The following MTUS2 variants were observed in gnomAD, a reference collection of about 807,000 sequenced individuals.
MTUS2 encodes microtubule associated scaffold protein 2, also known as microtubule-associated tumor suppressor candidate 2.
In MTUS2, 40 loss-of-function variants were observed where a neutral mutation model predicts 114.1. The ratio of observed to expected loss-of-function variants is 0.35; its 90% CI spans 0.27 to 0.46. The LOEUF (loss-of-function observed/expected upper bound fraction) is 0.46. Among genes scored for constraint, MTUS2 ranks in the 20% least tolerant of loss-of-function variants. The pLI is 1.00. For missense variants in MTUS2, 1,679 were observed against 1,705.4 expected (o/e 0.98, Z 0.27); for synonymous variants, 688 against 672.0 (o/e 1.02, Z -0.37).
chr13:29,189,690 G>A (rs963489206), intron 5 of MTUS2, among the ~76,000 whole-genome samples: 11 of 152,068 alleles, frequency 7.2e-5, no homozygotes, highest in Non-Finnish European at 1.3e-4. Context: ...TTTATTGCCC[G>A]TTGAATTAAA....
Position 29,273,918 on chromosome 13 carries a change from T to C in MTUS2, c.2645-7786T>C, listed in dbSNP as rs192176632. 2.6e-3 allele frequency among the ~76,000 whole-genome samples: 394 copies of C among 152,352 alleles called. 1 individual carries two copies. Among genetic ancestry groups the C allele is most frequent in the African/African-American group, 9.2e-3 (382 of 41,582 alleles). On this transcript the variant is annotated intron_variant, in intron 5 of 15. Transcript: ENST00000612955. ...ATACCATATTTAGTGTATTCATTCATCAGTCGATGGGGGGCCATTTGGGTA... is the reference window on the plus strand; with the variant it reads ...ATACCATATTTAGTGTATTCATTCACCAGTCGATGGGGGGCCATTTGGGTA...
chr13:28,946,714 G>GT (rs945508673), intron 2 of MTUS2, among the ~76,000 whole-genome samples: 161 of 149,418 alleles, frequency 1.1e-3, no homozygotes, highest in East Asian at 4.5e-3. Context: ...AGACAACAGG[G>GT]TTTTTTTTTT....
chr13:29,475,885 A>C (rs1030511778), intron 9 of MTUS2, among the ~76,000 whole-genome samples: 5 of 152,214 alleles, frequency 3.3e-5, no homozygotes, highest in African/African-American at 1.2e-4. Flanking sequence ...AATTTAGTGT[A>C]GCCTAAGTGT....
At chr13:29,041,251 G>T (rs2138556853) in intron 4 of MTUS2, among the ~76,000 whole-genome samples, 1 of 152,184 alleles carries the variant, frequency 6.6e-6, no homozygotes, top group Middle Eastern at 3.4e-3. Context: ...AAGATCAGTT[G>T]GTTGTAGGTA....
intron 2 of MTUS2, among the ~76,000 whole-genome samples, chr13:29,022,394 G>C (rs1163168942): frequency 6.6e-6 from 1 of 152,140 alleles, no homozygotes; most frequent in Non-Finnish European, 1.5e-5. Context: ...AATAGAGATA[G>C]GGTTTTGCTG....
chr13:28,825,442 A>G (rs1357841079), intron 1 of MTUS2, among the ~76,000 whole-genome samples: 1 of 152,136 alleles, frequency 6.6e-6, no homozygotes, highest in African/African-American at 2.4e-5. Flanking sequence ...TTCTGATTTG[A>G]ACTGAGCCTA....
chr13:29,318,582 A>G (rs3011458), intron 6 of MTUS2, among the ~76,000 whole-genome samples: 143,014 of 152,070 alleles, frequency 0.94, 67,388 homozygotes, highest in East Asian at 1. Flanking sequence ...TTTAGGGCCC[A>G]CAAGTCATGT....
At chr13:29,235,830 T>G (rs534341293) in intron 5 of MTUS2, among the ~76,000 whole-genome samples, 1 of 152,326 alleles carries the variant, frequency 6.6e-6, no homozygotes, top group South Asian at 2.1e-4. Flanking sequence ...CTCATGACCA[T>G]TTTGGCCTGG....
In MTUS2 at chr13:29,367,101, G is replaced by A. The variant is rs56803828; in HGVS notation, c.3117+7628G>A. Among the ~76,000 whole-genome samples, 9 of 152,246 alleles carry A rather than the reference G, an allele frequency of 5.9e-5. No individual in the cohort carries two copies. In the East Asian group the frequency reaches 1.6e-3, roughly 26 times the overall value. ...ACCACATCTCGGCCCCTGAGTTCCA[G>A]TTCTGGGAAGAGATGCTCACTGAAA... is the stretch of plus-strand genomic sequence containing the variant. On this transcript the variant is annotated intron_variant, in intron 8 of 15. Transcript: ENST00000612955.
chr13:29,050,988 G>A (rs1887868814), intron 4 of MTUS2, among the ~76,000 whole-genome samples: 1 of 152,170 alleles, frequency 6.6e-6, no homozygotes, highest in Non-Finnish European at 1.5e-5. Flanking sequence ...GGGCCTCCAG[G>A]CCCGGGTTAG....
intron 5 of MTUS2, among the ~76,000 whole-genome samples, chr13:29,116,642 C>G (rs756959873): frequency 6.6e-6 from 1 of 152,168 alleles, no homozygotes; most frequent in Non-Finnish European, 1.5e-5. Flanking sequence ...CGTCACTCTT[C>G]TTGCACTTTG....
intron 9 of MTUS2, among the ~76,000 whole-genome samples, chr13:29,470,019 G>A (rs1034281707): frequency 6.6e-6 from 1 of 151,984 alleles, no homozygotes; most frequent in Non-Finnish European, 1.5e-5. Context: ...AAATATTTAT[G>A]TATTTTTTAC....
chr13:29,142,272 A>G (rs970024187), intron 5 of MTUS2, among the ~76,000 whole-genome samples: 2 of 152,190 alleles, frequency 1.3e-5, no homozygotes, highest in Non-Finnish European at 2.9e-5. Flanking sequence ...TTGTTAAAAC[A>G]ATTTGAGGGG....
At chr13:29,223,937 C>T (rs1238505839) in intron 5 of MTUS2, among the ~76,000 whole-genome samples, 4 of 152,254 alleles carry the variant, frequency 2.6e-5, no homozygotes, top group South Asian at 2.1e-4. Context: ...CAGCCTTGCA[C>T]GGAACCAGCG....
chr13:29,156,031 T>C (rs1566036760), intron 5 of MTUS2, among the ~76,000 whole-genome samples: 1 of 152,056 alleles, frequency 6.6e-6, no homozygotes, highest in Admixed American at 6.5e-5. Flanking sequence ...AATATTGACC[T>C]TGATTGAAAG....
At chr13:29,216,080 T>C (rs189277500) in intron 5 of MTUS2, among the ~76,000 whole-genome samples, 141 of 152,242 alleles carry the variant, frequency 9.3e-4, no homozygotes, top group Admixed American at 3.9e-3. Context: ...ACCTGCCCAG[T>C]GAGGAGGAAT....
At chr13:29,162,230 A>G (rs1359094363) in intron 5 of MTUS2, among the ~76,000 whole-genome samples, 2 of 152,050 alleles carry the variant, frequency 1.3e-5, no homozygotes, top group Non-Finnish European at 2.9e-5. Flanking sequence ...ATCTGCAGAG[A>G]CCCTGGATTC....
At chr13:29,111,413 G>A (rs971728081) in intron 5 of MTUS2, among the ~76,000 whole-genome samples, 2 of 152,152 alleles carry the variant, frequency 1.3e-5, no homozygotes, top group African/African-American at 2.4e-5. Flanking sequence ...CTAATGCCGA[G>A]CATCTTGGAT....
At chr13:28,837,337 T>A (rs1026236093) in intron 1 of MTUS2, among the ~76,000 whole-genome samples, 17 of 152,218 alleles carry the variant, frequency 1.1e-4, no homozygotes, top group African/African-American at 4.1e-4. Flanking sequence ...CGTCCTCAAC[T>A]CTTATCTAGG....
Sources: allele counts gnomAD v4.1 joint callset (sites outside exome capture counted in the v4.1 genomes callset), GRCh38; gene constraint gnomAD v4.1.1; transcripts MANE v1.5; gene names NCBI Gene and HGNC (gene_info 2026-07-23, HGNC 2026-07-21).